SNTG1: variants seen among roughly 807,000 people sequenced by gnomAD.
The protein encoded by SNTG1 is gamma-1-syntrophin.
SNTG1 carries 39 observed loss-of-function variants against 74.7 expected under a neutral mutation model. The ratio of observed to expected loss-of-function variants is 0.52; its 90% CI spans 0.40 to 0.68. The LOEUF is 0.68. SNTG1 is among the 30% of genes least tolerant of loss of function. SNTG1 has a pLI of 0.00. For missense variants in SNTG1, 685 were observed against 609.5 expected, an observed-to-expected ratio of 1.12 and a Z score of -1.30; for synonymous variants, 254 against 217.1, an observed-to-expected ratio of 1.17 and a Z score of -1.49.
At chr8:49,980,748 G>A (rs1258608303) in intron 1 of SNTG1, among the ~76,000 whole-genome samples, 1 of 151,886 alleles carries the variant, frequency 6.6e-6, no homozygotes, top group African/African-American at 2.4e-5. Context: ...TGGCTCTGGG[G>A]TTTTTACTGA....
At chr8:50,222,125 CAT>C (rs2085101678) in intron 2 of SNTG1, among the ~76,000 whole-genome samples, 1 of 152,136 alleles carries the variant, frequency 6.6e-6, no homozygotes, top group South Asian at 2.1e-4. Flanking sequence ...CCAGAAAAGA[CAT>C]ATCAAAAGGC....
chr8:50,574,509 A>C (rs1480191789), intron 12 of SNTG1, among the ~76,000 whole-genome samples: 3 of 152,144 alleles, frequency 2.0e-5, no homozygotes, highest in African/African-American at 7.2e-5. Context: ...TGTAATATTA[A>C]TGTTTTATGA....
In SNTG1 at chr8:50,795,860, C is replaced by T. The variant is rs570755459; in HGVS notation, c.*3031C>T. 1.3e-5 allele frequency: 2 copies of T among 152,114 alleles called. No individual in the cohort carries two copies. The highest frequency in any genetic ancestry group is 3.9e-4 in the East Asian group (2 of 5,178). The allele number at this position is 152,114 out of a possible 1,614,324, so 9.4% of individuals were successfully genotyped here. ...TGTAAGTGTAATGTATATCTGAACA[C>T]TTATCCAGCTTTTTTAAAATGGGAG... On this transcript the variant is annotated 3_prime_UTR_variant, in exon 19 of 19. Coordinates refer to ENST00000642720, the MANE Select transcript of SNTG1 (RefSeq NM_018967.5).
At chr8:50,002,230 C>T (rs1013458676) in intron 1 of SNTG1, among the ~76,000 whole-genome samples, 1 of 152,154 alleles carries the variant, frequency 6.6e-6, no homozygotes, top group East Asian at 1.9e-4. Flanking sequence ...ATGTTTTCCT[C>T]CTTCTTCAGA....
intron 2 of SNTG1, among the ~76,000 whole-genome samples, chr8:50,266,892 C>T (rs2087510851): frequency 6.6e-6 from 1 of 151,938 alleles, no homozygotes; most frequent in Non-Finnish European, 1.5e-5. Flanking sequence ...AAGCCACTCC[C>T]CTTGGGTATT....
At chr8:50,033,053 A>G (rs183364483) in intron 1 of SNTG1, among the ~76,000 whole-genome samples, 1 of 152,008 alleles carries the variant, frequency 6.6e-6, no homozygotes, top group Admixed American at 6.6e-5. Context: ...ACAAAATAAG[A>G]TGTTATAGAT....
intron 2 of SNTG1, among the ~76,000 whole-genome samples, chr8:50,385,375 T>C (rs1353627797): frequency 6.6e-6 from 1 of 152,192 alleles, no homozygotes; most frequent in Non-Finnish European, 1.5e-5. Flanking sequence ...CAACAACCTA[T>C]TCTTTACCTT....
rs192998079 is a variant in SNTG1, at chr8:50,414,964, C to A, written c.162+12620C>A. 2.6e-5 allele frequency among the ~76,000 whole-genome samples: 4 copies of A among 152,260 alleles called. No individual in the cohort carries two copies. The East Asian group carries it at 7.7e-4, about 29-fold the overall frequency. On this transcript the variant is annotated intron_variant, in intron 4 of 18. Transcript: ENST00000642720. ...TGAGATTGCATTGCCTAGGTGACCACTAGAGGTGAACAATAAAGATGGCTG... is the reference window on the plus strand; with the variant it reads ...TGAGATTGCATTGCCTAGGTGACCAATAGAGGTGAACAATAAAGATGGCTG...
intron 1 of SNTG1, among the ~76,000 whole-genome samples, chr8:50,008,309 G>A (rs1815442816): frequency 6.6e-6 from 1 of 152,144 alleles, no homozygotes; most frequent in African/African-American, 2.4e-5. Flanking sequence ...GCCAGTATTA[G>A]TACCTGCCTC....
intron 13 of SNTG1, among the ~76,000 whole-genome samples, chr8:50,656,020 T>C (rs2095178074): frequency 6.6e-6 from 1 of 151,166 alleles, no homozygotes; most frequent in African/African-American, 2.4e-5. Flanking sequence ...TTCATTAATA[T>C]CCTATTGATG....
intron 2 of SNTG1, among the ~76,000 whole-genome samples, chr8:50,247,871 C>T (rs569452849): frequency 6.6e-6 from 1 of 151,836 alleles, no homozygotes; most frequent in African/African-American, 2.4e-5. Context: ...TTTGAAGACC[C>T]TTTGTATTTA....
chr8:50,611,467 T>C (rs1448694790), intron 13 of SNTG1, among the ~76,000 whole-genome samples: 2 of 152,202 alleles, frequency 1.3e-5, no homozygotes, highest in African/African-American at 4.8e-5. Context: ...TCATATTTGA[T>C]TGTTTTCACT....
At chr8:50,431,005 A>G (rs1262399937) in intron 4 of SNTG1, among the ~76,000 whole-genome samples, 1 of 152,164 alleles carries the variant, frequency 6.6e-6, no homozygotes, top group East Asian at 1.9e-4. Context: ...TGTCTTACAG[A>G]TGCTTGTGCC....
At chr8:50,515,650 G>A (rs1367993703) in intron 9 of SNTG1, among the ~76,000 whole-genome samples, 3 of 152,164 alleles carry the variant, frequency 2.0e-5, no homozygotes, top group Non-Finnish European at 2.9e-5. Context: ...GCCTTTAGTA[G>A]GCGGCTTTCT....
At chr8:50,570,591 G>GTTATTATTATTATTA (rs61229968) in intron 12 of SNTG1, among the ~76,000 whole-genome samples, 4 of 130,162 alleles carry the variant, frequency 3.1e-5, no homozygotes, top group African/African-American at 1.2e-4. Flanking sequence ...TATTATTGTT[G>GTTATTATTATTATTA]TTATTATTAT....
At chr8:50,113,207 G>C (rs1233043547) in intron 1 of SNTG1, among the ~76,000 whole-genome samples, 2 of 152,156 alleles carry the variant, frequency 1.3e-5, no homozygotes, top group South Asian at 2.1e-4. Flanking sequence ...GCCATTTTCA[G>C]GATATTGATT....
chr8:50,712,899 A>C lies in SNTG1; in HGVS notation c.1284+3921A>C, dbSNP rs868672110. Among the ~76,000 whole-genome samples, 5 of 152,138 alleles carry C rather than the reference A, an allele frequency of 3.3e-5. No homozygotes were observed. The South Asian group carries it at 6.2e-4, about 19-fold the overall frequency. On this transcript the variant is annotated intron_variant, in intron 17 of 18. Coordinates refer to ENST00000642720, the MANE Select transcript of SNTG1 (RefSeq NM_018967.5). ...GTGCCACATTTTCTTGATCCAGTCT[A>C]TCATTGATGGGCGTCTAGTTTGGTT...
At chr8:50,399,845 C>T (rs1435808850) in intron 3 of SNTG1, among the ~76,000 whole-genome samples, 1 of 152,190 alleles carries the variant, frequency 6.6e-6, no homozygotes, top group African/African-American at 2.4e-5. Flanking sequence ...TAGATATATT[C>T]ACTTAAAGTA....
At chr8:50,517,050 G>A (rs969058828) in intron 9 of SNTG1, among the ~76,000 whole-genome samples, 1 of 152,146 alleles carries the variant, frequency 6.6e-6, no homozygotes, top group South Asian at 2.1e-4. Flanking sequence ...AGAGAGAAAG[G>A]TCGTGTTACC....
Sources: gnomAD v4.1 joint callset for allele counts (sites outside exome capture counted in the v4.1 genomes callset) on GRCh38, gnomAD v4.1.1 for gene constraint, MANE v1.5 for transcripts, NCBI Gene and HGNC (gene_info 2026-07-23, HGNC 2026-07-21) for gene names.